Variants in GTPBP8 observed in about 807,000 individuals in gnomAD.
GTPBP8 encodes the protein GTP binding protein 8.
A neutral mutation model predicts 27.3 loss-of-function variants in GTPBP8; 21 were observed. The observed-to-expected ratio is 0.77, with a 90% CI of 0.55 to 1.11. GTPBP8 has a LOEUF of 1.11. Among genes scored for constraint, GTPBP8 ranks in the 50% least tolerant of loss-of-function variants. The probability of loss-of-function intolerance (pLI) is 0.00; values close to 1 mark genes in which losing one functional copy is unlikely to be tolerated. For synonymous variants in GTPBP8, 147 were observed against 135.3 expected, an observed-to-expected ratio of 1.09 and a Z score of -0.60; for missense variants, 380 against 350.8, an observed-to-expected ratio of 1.08 and a Z score of -0.67.
chr3:112,995,277 AT>A lies in GTPBP8; in HGVS notation c.566+16del. On this transcript the variant is annotated intron_variant, in intron 3 of 5. Coordinates refer to ENST00000383678, the MANE Select transcript of GTPBP8 (RefSeq NM_014170.4). ...AAAGAACGAAGGAAGTAAGGAAAAG[AT>A]TTTCTTATAATAGTTATACATTTAA... 1.3e-6 allele frequency: 2 copies of A among 1,560,280 alleles called. No homozygotes were observed. Among genetic ancestry groups the A allele is most frequent in the Non-Finnish European group, 1.7e-6 (2 of 1,146,932 alleles).
At chr3:112,991,399 C>G (rs1427867267) in intron 1 of GTPBP8, 64 bp downstream of exon 1, 1 of 1,440,896 alleles carries the variant, frequency 6.9e-7, no homozygotes, top group Non-Finnish European at 9.8e-7. Flanking sequence ...CTTCCCTGGC[C>G]GTCCGGCTCG....
chr3:113,000,904 AG>A lies in GTPBP8; in HGVS notation c.842del (p.Gly281GlufsTer11), dbSNP rs781260945. 6.3e-7 allele frequency: 1 copy of A among 1,580,488 alleles called. No individual in the cohort carries two copies. The highest frequency in any genetic ancestry group is 1.7e-5 in the Admixed American group (1 of 59,402). ...TGAGATGCTTTATAGCCAGTGTAAC[AG>A]GAAGTCTTGACTAATGGTTCCCGGT... ...LLRCFIASVT[G>X]SLD On this transcript the variant is annotated frameshift_variant, in exon 6 of 6. Coordinates refer to ENST00000383678, the MANE Select transcript of GTPBP8 (RefSeq NM_014170.4). LOFTEE classifies it high-confidence loss of function.
intron 1 of GTPBP8, 47 bp from the exon 2 acceptor site, chr3:112,992,955 AAGTTTTTTACATCTAATGCAGAAT>A: frequency 1.3e-6 from 1 of 756,234 alleles, no homozygotes. Context: ...TTAGAATTTG[AAGTTTTTTACATCTAATGCAGAAT>A]AGCATATACA....
intron 5 of GTPBP8, 143 bp from the exon 6 acceptor site, chr3:113,000,707 G>A (rs907371002): frequency 2.0e-6 from 1 of 510,562 alleles, no homozygotes; most frequent in African/African-American, 2.0e-5. Context: ...GCGGCTGGGG[G>A]AAGAGAAGAA....
chr3:112,996,108 T>C (rs899256149), intron 3 of GTPBP8, among the ~76,000 whole-genome samples: 2 of 152,222 alleles, frequency 1.3e-5, no homozygotes, highest in Admixed American at 6.5e-5. Flanking sequence ...TTACATAAAA[T>C]GCAAGATATA....
intron 5 of GTPBP8, 58 bp downstream of exon 5, chr3:112,999,622 G>T: frequency 9.7e-6 from 7 of 719,968 alleles, no homozygotes; most frequent in South Asian, 3.9e-5. Context: ...AGAATGTTGT[G>T]GGTTTTTTTT....
At chr3:112,999,970 AG>A (rs1401699141) in intron 5 of GTPBP8, among the ~76,000 whole-genome samples, 1 of 152,220 alleles carries the variant, frequency 6.6e-6, no homozygotes, top group Admixed American at 6.5e-5. Context: ...ATGGCTGAGT[AG>A]TATTACATGG....
chr3:112,995,849 T>A (rs952771170), intron 3 of GTPBP8, among the ~76,000 whole-genome samples: 6 of 152,194 alleles, frequency 3.9e-5, no homozygotes, highest in Non-Finnish European at 7.4e-5. Flanking sequence ...TAATTTTTTT[T>A]AAAACCAAAC....
rs940293892 is a variant in GTPBP8, at chr3:113,001,447, A to C, written c.*528A>C. ...TGTTAGTCCATGTTGGAAACAACCG[A>C]AAGAACAGAATTCAAGTTCTAGTTC... On this transcript the variant is annotated 3_prime_UTR_variant, in exon 6 of 6. Coordinates refer to ENST00000383678, the MANE Select transcript of GTPBP8 (RefSeq NM_014170.4). The C allele has an allele frequency of 6.6e-6, 1 of 152,248 alleles. No homozygotes were observed. Among genetic ancestry groups the C allele is most frequent in the Non-Finnish European group, 1.5e-5 (1 of 68,048 alleles). 9.4% of individuals were successfully genotyped at this position (152,248 alleles called of 1,614,324 possible).
chr3:112,991,721 A>T (rs1256483659), intron 1 of GTPBP8: 1 of 386,246 alleles, frequency 2.6e-6, no homozygotes, highest in Non-Finnish European at 5.0e-6. Context: ...CTTCTATTTA[A>T]CTTAAGTAGG....
At position 112,991,024 on chromosome 3, in the gene GTPBP8, G is replaced by A. The variant is rs545098321; in HGVS notation, c.25G>A (p.Gly9Arg). The A allele has an allele frequency of 6.3e-7, 1 of 1,597,554 alleles. No homozygotes were observed. The highest frequency in any genetic ancestry group is 1.1e-5 in the South Asian group (1 of 90,406). Residue 9 changes from glycine (G) to arginine (R), a missense_variant, in exon 1 of 6, where the codon GGA becomes AGA. Coordinates refer to ENST00000383678, the MANE Select transcript of GTPBP8 (RefSeq NM_014170.4). MAAPGLRL[G>R]AGRLFEMPAV... ...AATGGCGGCGCCCGGGCTGCGGCTG[G>A]GAGCGGGAAGACTCTTTGAAATGCC...
rs1311023007 is a variant in GTPBP8 at position 112,991,028 on chromosome 3, C to G, written c.29C>G (p.Ala10Gly). 8 of 1,600,172 alleles carry G rather than the reference C, an allele frequency of 5.0e-6. No homozygotes were observed. The highest frequency in any genetic ancestry group is 2.2e-5 in the South Asian group (2 of 90,528). Reference protein sequence around the residue: MAAPGLRLGAGRLFEMPAVL... With the variant: MAAPGLRLGGGRLFEMPAVL... ...GCGGCGCCCGGGCTGCGGCTGGGAG[C>G]GGGAAGACTCTTTGAAATGCCTGCG... The change falls in exon 1 of 6, where the codon GCG becomes GGG. Residue 10 changes from alanine (A) to glycine (G), a missense_variant. Ala to Gly is a moderately conservative substitution (Grantham distance 60). Transcript: ENST00000383678.
At chr3:112,995,784 G>A (rs753268117) in intron 3 of GTPBP8, among the ~76,000 whole-genome samples, 2 of 152,016 alleles carry the variant, frequency 1.3e-5, no homozygotes, top group Non-Finnish European at 2.9e-5. Flanking sequence ...TGATCCACCC[G>A]CCTTGCCCTC....
intron 2 of GTPBP8, among the ~76,000 whole-genome samples, chr3:112,994,380 A>G (rs1285598637): frequency 6.6e-6 from 1 of 150,698 alleles, no homozygotes; most frequent in Non-Finnish European, 1.5e-5. Flanking sequence ...CTGAGATTGC[A>G]CCATTGCACT....
rs1246849398 is a variant in GTPBP8, at chr3:112,996,951, T to C, written c.626T>C (p.Ile209Thr). The C allele has an allele frequency of 2.9e-5, 46 of 1,577,990 alleles. No homozygotes were observed. The Admixed American group carries it at 6.0e-4, about 21-fold the overall frequency. Residue 209 changes from isoleucine to threonine, a missense_variant, in exon 4 of 6, where the codon ATT becomes ACT. Transcript: ENST00000383678. ...GTTGGAATTCAAAAAACAGACAATA[T>C]TGCCATAGAAATGTGTGAAGAATTT... ...SVVGIQKTDN[I>T]AIEMCEEFAL...
At chr3:112,995,386 C>T in intron 3 of GTPBP8, 121 bp downstream of exon 3, 2 of 609,180 alleles carry the variant, frequency 3.3e-6, no homozygotes, top group Admixed American at 6.9e-5. Context: ...TTATAAGGTC[C>T]ATTTTATTCT....
intron 2 of GTPBP8, 35 bp from the exon 3 acceptor site, chr3:112,995,098 CTT>C (rs757923033): frequency 6.6e-7 from 1 of 1,504,702 alleles, no homozygotes; most frequent in Non-Finnish European, 9.0e-7. Context: ...GAGGACATAT[CTT>C]AAGACAGCTT....
chr3:113,001,071 G>T lies in GTPBP8; in HGVS notation c.*152G>T, dbSNP rs1434588922. On this transcript the variant is annotated 3_prime_UTR_variant, in exon 6 of 6. Transcript: ENST00000383678. ...TGAGCTTTAAAACCTGTGCCTTCTC[G>T]AAACAAGAATTTGTGCCTGAGGTGA... 1.8e-6 allele frequency: 1 copy of T among 558,676 alleles called. No individual in the cohort carries two copies. Among genetic ancestry groups the T allele is most frequent in the Non-Finnish European group, 3.2e-6 (1 of 317,450 alleles). 34.6% of individuals were successfully genotyped at this position (558,676 alleles called of 1,614,324 possible). A position where few individuals can be genotyped will look rare whatever the true frequency, so the allele number is the denominator to read the frequency against.
Position 113,000,950 on chromosome 3 carries a change from A to T in GTPBP8, c.*31A>T. 7.9e-7 allele frequency: 1 copy of T among 1,262,214 alleles called. No homozygotes were observed. Among genetic ancestry groups the T allele is most frequent in the Non-Finnish European group, 1.1e-6 (1 of 885,014 alleles). The allele number at this position is 1,262,214 out of a possible 1,614,324, so 78.2% of individuals were successfully genotyped here. On this transcript the variant is annotated 3_prime_UTR_variant, in exon 6 of 6. Coordinates refer to ENST00000383678, the MANE Select transcript of GTPBP8 (RefSeq NM_014170.4). ...CCCGGTTTAGCTGAAGATTCAAAAAAAAAAAAAAAAGCTTTATGCTAACTG... is the reference window on the plus strand; with the variant it reads ...CCCGGTTTAGCTGAAGATTCAAAAATAAAAAAAAAAGCTTTATGCTAACTG...
Sources: gnomAD v4.1 joint callset for allele counts (sites outside exome capture counted in the v4.1 genomes callset) on GRCh38, gnomAD v4.1.1 for gene constraint, MANE v1.5 for transcripts, NCBI Gene and HGNC (gene_info 2026-07-23, HGNC 2026-07-21) for gene names.